Variants in NRP1 observed in about 807,000 individuals in gnomAD.
NRP1 encodes neuropilin-1.
Under a neutral mutation model 106.7 loss-of-function variants are expected in NRP1, and 35 were observed. The observed-to-expected ratio is 0.33, with a 90% CI of 0.25 to 0.43. The LOEUF is 0.43. NRP1 is among the 20% of genes least tolerant of loss of function. The probability of loss-of-function intolerance (pLI) is 1.00; values close to 1 mark genes in which losing one functional copy is unlikely to be tolerated. For missense variants in NRP1, 1,024 were observed against 1,170.4 expected, an observed-to-expected ratio of 0.87 and a Z score of 1.83; for synonymous variants, 437 against 417.9, an observed-to-expected ratio of 1.05 and a Z score of -0.56.
chr10:33,279,568 T>C (rs1843959195), intron 2 of NRP1, among the ~76,000 whole-genome samples: 1 of 152,192 alleles, frequency 6.6e-6, no homozygotes, highest in Non-Finnish European at 1.5e-5. Context: ...AATCTCCCTT[T>C]CTTGAGGTTG....
chr10:33,292,712 C>T (rs941655261), intron 2 of NRP1, among the ~76,000 whole-genome samples: 7 of 152,096 alleles, frequency 4.6e-5, no homozygotes, highest in Non-Finnish European at 7.4e-5. Context: ...AACCTGCCAA[C>T]GACGGTGGCT....
At chr10:33,213,931 C>T in intron 8 of NRP1, 1 of 544,460 alleles carries the variant, frequency 1.8e-6, no homozygotes, top group South Asian at 2.6e-5. Flanking sequence ...CCCAGTAAGG[C>T]AAATCTTCAA....
intron 2 of NRP1, among the ~76,000 whole-genome samples, chr10:33,319,002 C>CTTTTTT (rs36010472): frequency 6.6e-5 from 6 of 90,768 alleles, no homozygotes; most frequent in Non-Finnish European, 1.2e-4. Context: ...TCTTTTCTTT[C>CTTTTTT]TTTTTTTTTT....
chr10:33,235,877 T>C (rs1251588803), intron 6 of NRP1, among the ~76,000 whole-genome samples: 2 of 152,254 alleles, frequency 1.3e-5, no homozygotes, highest in Non-Finnish European at 2.9e-5. Context: ...TACGCCGACC[T>C]GTGAAATCTT....
In NRP1 at chr10:33,179,708, C is replaced by T. The variant is rs550315174; in HGVS notation, c.*368G>A. The T allele has an allele frequency of 3.1e-5, 7 of 223,358 alleles. No individual in the cohort carries two copies. The highest frequency in any genetic ancestry group is 1.1e-4 in the African/African-American group (5 of 44,162). The allele number at this position is 223,358 out of a possible 1,614,324, so 13.8% of individuals were successfully genotyped here. ...TCCATCCAAAGGGCCACACGGAATACGCTTGGTGCCAGCATCTTGGATTTC... is the reference window on the plus strand; with the variant it reads ...TCCATCCAAAGGGCCACACGGAATATGCTTGGTGCCAGCATCTTGGATTTC... On this transcript the variant is annotated 3_prime_UTR_variant, in exon 17 of 17. Coordinates refer to ENST00000374867, the MANE Select transcript of NRP1 (RefSeq NM_003873.7).
chr10:33,251,222 G>C (rs927844223), intron 6 of NRP1, among the ~76,000 whole-genome samples: 2 of 152,120 alleles, frequency 1.3e-5, no homozygotes, highest in African/African-American at 4.8e-5. Context: ...TCTTTCACCT[G>C]CCGCCATGTA....
At chr10:33,202,455 A>C in intron 11 of NRP1, 2 of 658,984 alleles carry the variant, frequency 3.0e-6, no homozygotes, top group Non-Finnish European at 4.7e-6. Context: ...ATATAAGCCT[A>C]ACTTTATCCA....
intron 3 of NRP1, among the ~76,000 whole-genome samples, chr10:33,267,856 A>G (rs981828806): frequency 7.9e-5 from 12 of 152,184 alleles, no homozygotes; most frequent in Non-Finnish European, 1.6e-4. Flanking sequence ...AGGCAGGAAG[A>G]AGCGGGGCTG....
At chr10:33,233,579 C>T (rs1888691) in intron 6 of NRP1, among the ~76,000 whole-genome samples, 8,075 of 152,144 alleles carry the variant, frequency 0.053, 663 homozygotes, top group African/African-American at 0.18. Context: ...AATGTCATAA[C>T]GTGGAAAGCC....
At chr10:33,186,621 T>A (rs1836025989) in intron 13 of NRP1, 133 bp from the exon 14 acceptor site, 2 of 1,062,012 alleles carry the variant, frequency 1.9e-6, no homozygotes, top group Non-Finnish European at 2.7e-6. Context: ...TGGAAAGGGA[T>A]AAGTGTGCAC....
chr10:33,225,297 A>G (rs1295422721), intron 7 of NRP1, among the ~76,000 whole-genome samples: 1 of 152,222 alleles, frequency 6.6e-6, no homozygotes, highest in East Asian at 1.9e-4. Flanking sequence ...AAAATCAAGT[A>G]CGTGAATGCT....
At chr10:33,259,894 G>A (rs1056884999) in intron 4 of NRP1, among the ~76,000 whole-genome samples, 2 of 151,714 alleles carry the variant, frequency 1.3e-5, no homozygotes, top group Non-Finnish European at 2.9e-5. Flanking sequence ...TCACTCTGTT[G>A]CCCAGGCTGC....
chr10:33,325,979 A>G (rs754934504), intron 2 of NRP1, among the ~76,000 whole-genome samples: 6 of 152,162 alleles, frequency 3.9e-5, no homozygotes, highest in Non-Finnish European at 5.9e-5. Flanking sequence ...GAGTCCCCCA[A>G]TGCTACCACC....
Position 33,254,566 on chromosome 10 carries a change from G to A in NRP1, c.815-372C>T, listed in dbSNP as rs180993761. On this transcript the variant is annotated intron_variant, in intron 5 of 16. Transcript: ENST00000374867. ...AAGTTGCATTTAAAATAAAATTTTT[G>A]TATTAAATTATTTCTTTTAATATCG... is the stretch of plus-strand genomic sequence containing the variant. Among the ~76,000 whole-genome samples, 429 of 152,210 alleles carry A rather than the reference G, an allele frequency of 2.8e-3. 8 individuals are homozygous for A. Among genetic ancestry groups the A allele is most frequent in the Admixed American group, 0.024 (362 of 15,284 alleles).
intron 2 of NRP1, among the ~76,000 whole-genome samples, chr10:33,301,312 G>A (rs1268314705): frequency 6.6e-6 from 1 of 152,160 alleles, no homozygotes; most frequent in East Asian, 1.9e-4. Flanking sequence ...TGGAACAAGG[G>A]TGACCTTTGG....
At chr10:33,241,852 A>G (rs1486192612) in intron 6 of NRP1, among the ~76,000 whole-genome samples, 1 of 152,258 alleles carries the variant, frequency 6.6e-6, no homozygotes, top group Non-Finnish European at 1.5e-5. Flanking sequence ...TGATTTTAAT[A>G]CATTCCAGTA....
chr10:33,303,708 C>T (rs1845958479), intron 2 of NRP1, among the ~76,000 whole-genome samples: 1 of 152,172 alleles, frequency 6.6e-6, no homozygotes, highest in South Asian at 2.1e-4. Flanking sequence ...GCACATTTAG[C>T]AAACAGACTG....
chr10:33,331,157 C>A (rs950086688), intron 1 of NRP1, among the ~76,000 whole-genome samples: 1 of 152,150 alleles, frequency 6.6e-6, no homozygotes, highest in African/African-American at 2.4e-5. Context: ...GGTCTTCTAG[C>A]ATTAAAAACA....
At chr10:33,228,331 C>G (rs1217889220) in intron 6 of NRP1, among the ~76,000 whole-genome samples, 1 of 152,120 alleles carries the variant, frequency 6.6e-6, no homozygotes, top group East Asian at 1.9e-4. Context: ...GAGATCTCGC[C>G]ACCGCACTCC....
Sources: gnomAD v4.1 joint callset for allele counts (sites outside exome capture counted in the v4.1 genomes callset) on GRCh38, gnomAD v4.1.1 for gene constraint, MANE v1.5 for transcripts, NCBI Gene and HGNC (gene_info 2026-07-23, HGNC 2026-07-21) for gene names.